Variants in SAMSN1 observed in about 807,000 individuals in gnomAD.
The protein encoded by SAMSN1 is SAM domain-containing protein SAMSN-1.
Under a neutral mutation model 42.0 loss-of-function variants are expected in SAMSN1, and 31 were observed. The ratio of observed to expected loss-of-function variants is 0.74; its 90% CI spans 0.55 to 1.00. SAMSN1 has a LOEUF of 1.00. Ranked by LOEUF, SAMSN1 falls within the 50% of genes least tolerant of loss-of-function variation. The pLI is 0.00. For missense variants in SAMSN1, 464 were observed against 439.4 expected (o/e 1.06, Z -0.50); for synonymous variants, 178 against 151.9 (o/e 1.17, Z -1.26).
At chr21:14,507,676 CT>C (rs1555829296) in intron 5 of SAMSN1, among the ~76,000 whole-genome samples, 2 of 152,138 alleles carry the variant, frequency 1.3e-5, no homozygotes, top group Non-Finnish European at 2.9e-5. Flanking sequence ...CACCATCGTT[CT>C]TCACAGAATT....
chr21:14,612,001 G>A (rs559584146), intron 4 of SAMSN1, among the ~76,000 whole-genome samples: 3 of 152,100 alleles, frequency 2.0e-5, no homozygotes, highest in Non-Finnish European at 4.4e-5. Flanking sequence ...TTGAGAGGTC[G>A]AGGCAGGCGG....
intron 1 of SAMSN1, among the ~76,000 whole-genome samples, chr21:14,537,588 G>T (rs1979711611): frequency 6.6e-6 from 1 of 152,110 alleles, no homozygotes; most frequent in Non-Finnish European, 1.5e-5. Context: ...TAACTTTTAA[G>T]TCTTTTGAAA....
chr21:14,495,254 A>G (rs1986870540), intron 7 of SAMSN1, among the ~76,000 whole-genome samples: 1 of 152,200 alleles, frequency 6.6e-6, no homozygotes, highest in East Asian at 1.9e-4. Context: ...AATCTTTAGC[A>G]TGGTTGTAGG....
intron 7 of SAMSN1, among the ~76,000 whole-genome samples, chr21:14,497,365 T>C (rs906378017): frequency 1.3e-5 from 2 of 152,148 alleles, no homozygotes; most frequent in Non-Finnish European, 2.9e-5. Context: ...GAGGCCAAGA[T>C]GGGCGGATCA....
chr21:14,646,184 G>A (rs1236810083), intron 1 of SAMSN1, among the ~76,000 whole-genome samples: 1 of 152,062 alleles, frequency 6.6e-6, no homozygotes, highest in African/African-American at 2.4e-5. Flanking sequence ...ACACCAAGCA[G>A]ATTTAACCCT....
chr21:14,645,234 T>A (rs1409225780), intron 1 of SAMSN1, among the ~76,000 whole-genome samples: 1 of 152,162 alleles, frequency 6.6e-6, no homozygotes, highest in African/African-American at 2.4e-5. Flanking sequence ...TGGCTTCAGG[T>A]CTGACCCAGC....
intron 2 of SAMSN1, among the ~76,000 whole-genome samples, chr21:14,578,734 T>A (rs1443303380): frequency 6.6e-6 from 1 of 150,642 alleles, no homozygotes; most frequent in Non-Finnish European, 1.5e-5. Context: ...TTCCTAAAAT[T>A]TTTGAAGTCA....
intron 1 of SAMSN1, among the ~76,000 whole-genome samples, chr21:14,537,368 T>TC (rs1555834495): frequency 2.2e-4 from 33 of 149,558 alleles, no homozygotes; most frequent in Non-Finnish European, 8.8e-5. Flanking sequence ...ATCCTTCTTT[T>TC]CTGTTAATTT....
chr21:14,521,074 G>T, intron 2 of SAMSN1, 76 bp downstream of exon 2: 2 of 906,356 alleles, frequency 2.2e-6, no homozygotes, highest in Non-Finnish European at 3.4e-6. Flanking sequence ...ATTTTACTTT[G>T]CAAAAGTGAC....
At chr21:14,580,804 A>G (rs532867059) in intron 2 of SAMSN1, among the ~76,000 whole-genome samples, 2 of 152,340 alleles carry the variant, frequency 1.3e-5, no homozygotes, top group African/African-American at 4.8e-5. Context: ...GCTTCTGTCT[A>G]AGAAGAGACT....
At chr21:14,508,451 A>G (rs558299580) in intron 5 of SAMSN1, among the ~76,000 whole-genome samples, 24 of 152,354 alleles carry the variant, frequency 1.6e-4, no homozygotes, top group African/African-American at 5.3e-4. Flanking sequence ...AAACACATGA[A>G]AAAATGCTCA....
chr21:14,497,022 G>A (rs772272123), intron 7 of SAMSN1, among the ~76,000 whole-genome samples: 18 of 152,124 alleles, frequency 1.2e-4, no homozygotes, highest in South Asian at 2.1e-4. Flanking sequence ...CCTAAATAAC[G>A]CTTTCCTCCC....
At position 14,577,280 on chromosome 21, in the gene SAMSN1, A is replaced by AT. The variant is rs1568816249; in HGVS notation, c.261+4855dup. ...TATATATATATATATATATATATAT[A>AT]TATATTTTTTTTTTAGAAGAGACAG... On this transcript the variant is annotated intron_variant, in intron 2 of 8. Transcript: ENST00000285670. Among the ~76,000 whole-genome samples the AT allele has an allele frequency of 1.4e-3, 66 of 48,398 alleles. 1 individual carries two copies. The highest frequency in any genetic ancestry group is 4.3e-3 in the African/African-American group (32 of 7,486). 31.8% of individuals were successfully genotyped at this position (48,398 alleles called of 152,430 possible).
At chr21:14,525,691 T>A (rs748328516) in intron 1 of SAMSN1, among the ~76,000 whole-genome samples, 17 of 152,186 alleles carry the variant, frequency 1.1e-4, no homozygotes, top group Non-Finnish European at 1.8e-4. Context: ...AGAAACACAA[T>A]TGGCCATTCT....
intron 1 of SAMSN1, among the ~76,000 whole-genome samples, chr21:14,647,703 T>G (rs1983745062): frequency 7.3e-6 from 1 of 137,042 alleles, no homozygotes; most frequent in African/African-American, 2.7e-5. Context: ...GTCCTTCACA[T>G]CCCTTGTAAG....
chr21:14,498,336 G>A lies in SAMSN1; in HGVS notation c.919+106C>T, dbSNP rs148126700. On this transcript the variant is annotated intron_variant, in intron 7 of 7. Transcript: ENST00000400566. ...AAATACCTATTTTATGGGAAAGCGTGCTTTCATGATCTCAGTAAATAAAAC... is the reference window on the plus strand; with the variant it reads ...AAATACCTATTTTATGGGAAAGCGTACTTTCATGATCTCAGTAAATAAAAC... The A allele has an allele frequency of 2.4e-4, 217 of 901,338 alleles. 1 individual carries two copies. The African/African-American group carries it at 3.4e-3, about 14-fold the overall frequency. The allele number at this position is 901,338 out of a possible 1,614,324, so 55.8% of individuals were successfully genotyped here. A position where few individuals can be genotyped will look rare whatever the true frequency, so the allele number is the denominator to read the frequency against.
At chr21:14,530,635 T>A (rs1183693372) in intron 1 of SAMSN1, among the ~76,000 whole-genome samples, 1 of 152,232 alleles carries the variant, frequency 6.6e-6, no homozygotes. Context: ...AGTTTTCAAC[T>A]CATGCACCAG....
At chr21:14,534,608 C>T (rs531448612) in intron 1 of SAMSN1, among the ~76,000 whole-genome samples, 41 of 151,980 alleles carry the variant, frequency 2.7e-4, no homozygotes, top group African/African-American at 8.2e-4. Context: ...CTCCGCCTCC[C>T]GGGTTCACGC....
chr21:14,652,692 C>T (rs966424411), intron 1 of SAMSN1, among the ~76,000 whole-genome samples: 46 of 151,844 alleles, frequency 3.0e-4, no homozygotes, highest in African/African-American at 1.1e-3. Flanking sequence ...CAAATCGTCT[C>T]GTATGTTGAA....
Sources: gnomAD v4.1 joint callset for allele counts (sites outside exome capture counted in the v4.1 genomes callset) on GRCh38, gnomAD v4.1.1 for gene constraint, MANE v1.5 for transcripts, NCBI Gene and HGNC (gene_info 2026-07-23, HGNC 2026-07-21) for gene names.